Variants in ABCA1 observed in about 807,000 individuals in gnomAD.
The protein encoded by ABCA1 is phospholipid-transporting ATPase ABCA1.
Under a neutral mutation model 262.5 loss-of-function variants are expected in ABCA1, and 133 were observed. The ratio of observed to expected loss-of-function variants is 0.51; its 90% CI spans 0.44 to 0.59. The LOEUF is 0.59. Ranked by LOEUF, ABCA1 falls within the 20% of genes least tolerant of loss-of-function variation. ABCA1 has a pLI of 0.00. For synonymous variants in ABCA1, 1,022 were observed against 1,043.5 expected, an observed-to-expected ratio of 0.98 and a Z score of 0.40; for missense variants, 2,452 against 2,777.5, an observed-to-expected ratio of 0.88 and a Z score of 2.63.
intron 11 of ABCA1, 92 bp downstream of exon 11, chr9:104,836,888 A>T: frequency 9.8e-7 from 1 of 1,015,608 alleles, no homozygotes. Context: ...AAACTGAAAG[A>T]ATTCTCACCT....
In ABCA1 at chr9:104,784,144, G is replaced by T; in HGVS notation, c.*171C>A. On this transcript the variant is annotated 3_prime_UTR_variant, in exon 50 of 50. Coordinates refer to ENST00000374736, the MANE Select transcript of ABCA1 (RefSeq NM_005502.4). Reference sequence around the variant, plus strand: ...CTACAAAGGCACTGCCCCTGTAATGGAATTTTGTTTTCATTGCATTGAATT... The same window carrying T: ...CTACAAAGGCACTGCCCCTGTAATGTAATTTTGTTTTCATTGCATTGAATT... The T allele has an allele frequency of 1.3e-6, 1 of 791,528 alleles. No homozygotes were observed. The highest frequency in any genetic ancestry group is 2.0e-6 in the Non-Finnish European group (1 of 494,220). The allele number at this position is 791,528 out of a possible 1,614,324, so 49.0% of individuals were successfully genotyped here.
At chr9:104,863,503 G>A (rs1364904225) in intron 5 of ABCA1, among the ~76,000 whole-genome samples, 1 of 152,208 alleles carries the variant, frequency 6.6e-6, no homozygotes, top group Non-Finnish European at 1.5e-5. Context: ...GAGGCTTAAT[G>A]AGGACAGGAG....
At chr9:104,791,265 T>TG (rs1302163087) in intron 43 of ABCA1, among the ~76,000 whole-genome samples, 1 of 152,154 alleles carries the variant, frequency 6.6e-6, no homozygotes, top group Non-Finnish European at 1.5e-5. Flanking sequence ...AGTTAATGTG[T>TG]GAAAAACAGT....
chr9:104,896,705 A>C, intron 2 of ABCA1, among the ~76,000 whole-genome samples: 2 of 127,512 alleles, frequency 1.6e-5, no homozygotes, highest in Non-Finnish European at 3.2e-5. Flanking sequence ...ATTGCTCCCT[A>C]CACATCTTTT....
intron 1 of ABCA1, among the ~76,000 whole-genome samples, chr9:104,914,677 C>T (rs976198190): frequency 3.3e-5 from 5 of 152,214 alleles, no homozygotes; most frequent in Non-Finnish European, 5.9e-5. Context: ...CCCACAATGA[C>T]GCAGCGCTCC....
intron 5 of ABCA1, among the ~76,000 whole-genome samples, chr9:104,862,625 GCAGACTGC>G: frequency 7.6e-6 from 1 of 131,640 alleles, no homozygotes; most frequent in Admixed American, 8.3e-5. Context: ...TTGTTAAAAT[GCAGACTGC>G]CGGGCCGGGC....
intron 18 of ABCA1, among the ~76,000 whole-genome samples, chr9:104,823,014 G>C (rs548339228): frequency 3.7e-4 from 55 of 150,302 alleles, no homozygotes; most frequent in Middle Eastern, 3.4e-3. Context: ...GAAGAGGAAT[G>C]AACTGTTGAC....
chr9:104,875,075 G>T (rs1476041748), intron 5 of ABCA1, among the ~76,000 whole-genome samples: 1 of 152,062 alleles, frequency 6.6e-6, no homozygotes, highest in African/African-American at 2.4e-5. Flanking sequence ...AAAAGATAGA[G>T]AAATCAGATT....
At chr9:104,912,385 C>T (rs1028550223) in intron 1 of ABCA1, among the ~76,000 whole-genome samples, 3 of 152,164 alleles carry the variant, frequency 2.0e-5, no homozygotes, top group African/African-American at 7.2e-5. Flanking sequence ...GGCTACAGTG[C>T]AAGACCCTGT....
intron 45 of ABCA1, 105 bp from the exon 46 acceptor site, chr9:104,788,159 C>CT: frequency 7.5e-7 from 1 of 1,326,796 alleles, no homozygotes; most frequent in Non-Finnish European, 1.1e-6. Context: ...GGACTAGATT[C>CT]TATAATCATA....
chr9:104,861,480 G>A (rs912052218), intron 6 of ABCA1, 199 bp downstream of exon 6: 28 of 673,644 alleles, frequency 4.2e-5, no homozygotes, highest in South Asian at 2.5e-4. Context: ...GGCCCATGAC[G>A]CCAGGTTGCA....
chr9:104,843,891 C>T (rs539727984), intron 8 of ABCA1, among the ~76,000 whole-genome samples: 1 of 152,228 alleles, frequency 6.6e-6, no homozygotes, highest in South Asian at 2.1e-4. Flanking sequence ...GCAGATGGTC[C>T]TTGCTTGTCC....
rs1037851093 is a variant in ABCA1, at chr9:104,794,563, G to A, written c.5383-53C>T. On this transcript the variant is annotated intron_variant, in intron 39 of 49. Transcript: ENST00000374736. ...GAAGGGAGGGTGAGGGAGAAGAAAC[G>A]GGTGTCATTCATGGTTTATCCTAAA... 9.5e-6 allele frequency: 15 copies of A among 1,578,662 alleles called. No individual in the cohort carries two copies. In the African/African-American group the frequency reaches 9.5e-5, roughly 10 times the overall value.
At position 104,817,431 on chromosome 9, in the gene ABCA1, G is replaced by A. The variant is rs781250629; in HGVS notation, c.3463-27C>T. 6.0e-5 allele frequency: 97 copies of A among 1,613,532 alleles called. No individual in the cohort carries two copies. Among genetic ancestry groups the A allele is most frequent in the East Asian group, 1.1e-4 (5 of 44,888 alleles). On this transcript the variant is annotated intron_variant, in intron 23 of 49. Coordinates refer to ENST00000374736, the MANE Select transcript of ABCA1 (RefSeq NM_005502.4). This position sits in a 1 kb window ranked among gnomAD's most constrained non-coding sequence, Gnocchi z 4.7. The stretch of plus-strand genomic sequence containing the variant: ...TGATGGCAAAGAAGGAGGTGAGAAC[G>A]GGTCAGGGACGGAGCAAGGCAGAGC...
At position 104,874,904 on chromosome 9, in the gene ABCA1, C is replaced by T. The variant is rs1163212519; in HGVS notation, c.421+8135G>A. On this transcript the variant is annotated intron_variant, in intron 5 of 49. Transcript: ENST00000374736. ...CCCCCGCCCGGCCAGCCGCCCCGTCCGGGAGGTGGGGGGCGCCTCTGCCCG... is the reference window on the plus strand; with the variant it reads ...CCCCCGCCCGGCCAGCCGCCCCGTCTGGGAGGTGGGGGGCGCCTCTGCCCG... Among the ~76,000 whole-genome samples, 19 of 141,532 alleles carry T rather than the reference C, an allele frequency of 1.3e-4. No homozygotes were observed. The East Asian group carries it at 1.4e-3, about 11-fold the overall frequency. The allele number at this position is 141,532 out of a possible 152,430, so 92.9% of individuals were successfully genotyped here.
Position 104,784,620 on chromosome 9 carries a change from A to G in ABCA1, c.6646-165T>C, listed in dbSNP as rs2482433. On this transcript the variant is annotated intron_variant, in intron 49 of 49. Coordinates refer to ENST00000374736, the MANE Select transcript of ABCA1 (RefSeq NM_005502.4). The stretch of plus-strand genomic sequence containing the variant: ...GTGTGAAGGAGGGAAGAATACTTGA[A>G]AAAAGCAATAACAACTTAAAAATAG... 0.19 allele frequency among the ~76,000 whole-genome samples: 29,653 copies of G among 152,140 alleles called. 3,513 individuals are homozygous for G. Among genetic ancestry groups the G allele is most frequent in the Non-Finnish European group, 0.27 (18,359 of 67,992 alleles).
intron 1 of ABCA1, among the ~76,000 whole-genome samples, chr9:104,919,390 T>C (rs1025032123): frequency 2.0e-5 from 3 of 152,042 alleles, no homozygotes; most frequent in Admixed American, 2.0e-4. Flanking sequence ...GGTGGGCAGA[T>C]CACAAGGTCA....
In ABCA1 at chr9:104,791,943, G is replaced by A. The variant is rs868096941; in HGVS notation, c.5813C>T (p.Pro1938Leu). 9 of 1,613,476 alleles carry A rather than the reference G, an allele frequency of 5.6e-6. No homozygotes were observed. The Middle Eastern group carries it at 8.3e-4, about 148-fold the overall frequency. ...TAGACAAAGTGTCTTTACCTCACCA[G>A]GAGGAATGCCCACGCAAATCCTGTC... ...AVDRICVGIPPGECFGLLGVN... is the reference protein window; with the variant it reads ...AVDRICVGIPLGECFGLLGVN... Residue 1938 changes from proline to leucine, a missense_variant, in exon 43 of 50, where the codon CCT becomes CTT. Physicochemically the swap from Pro to Leu is moderately conservative, Grantham distance 98. Transcript: ENST00000374736.
Position 104,853,271 on chromosome 9 carries a change from C to A in ABCA1, c.720+5251G>T, listed in dbSNP as rs55864734. Among the ~76,000 whole-genome samples, 1,367 of 152,310 alleles carry A rather than the reference C, an allele frequency of 9.0e-3. 27 individuals are homozygous for A. Among genetic ancestry groups the A allele is most frequent in the African/African-American group, 0.031 (1,280 of 41,558 alleles). On this transcript the variant is annotated intron_variant, in intron 7 of 49. Coordinates refer to ENST00000374736, the MANE Select transcript of ABCA1 (RefSeq NM_005502.4). Reference sequence around the variant, plus strand: ...TAAATCTGCATGCCTGGACTTCCAACCTTAAGGATCAGACACCATTTTCAC... The same window carrying A: ...TAAATCTGCATGCCTGGACTTCCAAACTTAAGGATCAGACACCATTTTCAC...
Sources: allele counts gnomAD v4.1 joint callset (sites outside exome capture counted in the v4.1 genomes callset), GRCh38; gene constraint gnomAD v4.1.1; non-coding constraint Gnocchi (gnomAD v3.1); transcripts MANE v1.5; gene names NCBI Gene and HGNC (gene_info 2026-07-23, HGNC 2026-07-21).